Variants in CDH4 observed in about 807,000 individuals in gnomAD.
CDH4 encodes cadherin 4, also known as cadherin-4.
A neutral mutation model predicts 86.0 loss-of-function variants in CDH4; 33 were observed. The observed-to-expected ratio is 0.38, with a 90% CI of 0.29 to 0.51. The LOEUF is 0.51. Among genes scored for constraint, CDH4 ranks in the 20% least tolerant of loss-of-function variants. The probability of loss-of-function intolerance (pLI) is 0.86; values close to 1 mark genes in which losing one functional copy is unlikely to be tolerated. For missense variants in CDH4, 1,114 were observed against 1,307.4 expected (o/e 0.85, Z 2.28); for synonymous variants, 555 against 549.4 (o/e 1.01, Z -0.14).
intron 4 of CDH4, among the ~76,000 whole-genome samples, chr20:61,830,266 A>G (rs1021430887): frequency 1.3e-5 from 2 of 152,116 alleles, no homozygotes; most frequent in African/African-American, 4.8e-5. Context: ...GCACCTGCGC[A>G]GCACGGCACA....
chr20:61,682,421 AGGAT>A (rs1332030981), intron 2 of CDH4, among the ~76,000 whole-genome samples: 2 of 116,388 alleles, frequency 1.7e-5, no homozygotes, highest in East Asian at 3.1e-4. Flanking sequence ...GACAGATGGA[AGGAT>A]GGATGGATGG....
At chr20:61,786,179 T>A (rs1978868995) in intron 4 of CDH4, among the ~76,000 whole-genome samples, 1 of 152,132 alleles carries the variant, frequency 6.6e-6, no homozygotes, top group Admixed American at 6.6e-5. Flanking sequence ...CAGCGTCTCC[T>A]TCCGCAGCAA....
At chr20:61,551,578 G>C (rs1195900805) in intron 2 of CDH4, among the ~76,000 whole-genome samples, 1 of 152,164 alleles carries the variant, frequency 6.6e-6, no homozygotes. Context: ...CCTATGCAGG[G>C]AACCACGTGA....
intron 9 of CDH4, among the ~76,000 whole-genome samples, chr20:61,919,140 G>C (rs1375509422): frequency 6.6e-6 from 1 of 152,126 alleles, no homozygotes; most frequent in African/African-American, 2.4e-5. Flanking sequence ...CAAAGTGTTG[G>C]GATTACAGGC....
At chr20:61,836,616 T>G (rs954718759) in intron 4 of CDH4, among the ~76,000 whole-genome samples, 2 of 152,172 alleles carry the variant, frequency 1.3e-5, no homozygotes, top group Admixed American at 6.5e-5. Flanking sequence ...ATGCAAGAAA[T>G]ACAAACATCT....
chr20:61,256,722 T>C (rs2084100070), intron 2 of CDH4, among the ~76,000 whole-genome samples: 1 of 152,216 alleles, frequency 6.6e-6, no homozygotes, highest in Admixed American at 6.5e-5. Flanking sequence ...AGCCCAGGGC[T>C]GGTTCAGGGA....
chr20:61,812,938 C>A (rs1391418310), intron 4 of CDH4, among the ~76,000 whole-genome samples: 2 of 152,174 alleles, frequency 1.3e-5, no homozygotes, highest in Admixed American at 1.3e-4. Context: ...AACATGATGA[C>A]CAAATGGGGA....
chr20:61,933,234 C>T, intron 14 of CDH4, 110 bp downstream of exon 14: 1 of 1,395,440 alleles, frequency 7.2e-7, no homozygotes, highest in South Asian at 1.3e-5. Flanking sequence ...TCAACCTTTT[C>T]ACCAGTGAAG....
chr20:61,599,996 C>T (rs949889003), intron 2 of CDH4: 2 of 971,740 alleles, frequency 2.1e-6, no homozygotes, highest in Non-Finnish European at 2.4e-6. Flanking sequence ...ACAGGTACCC[C>T]GTGCTAATGA....
intron 2 of CDH4, among the ~76,000 whole-genome samples, chr20:61,618,230 T>A (rs1406859438): frequency 6.6e-6 from 1 of 152,014 alleles, no homozygotes; most frequent in Non-Finnish European, 1.5e-5. Flanking sequence ...CCGGAGCCAG[T>A]TTCCGCTGCC....
intron 4 of CDH4, among the ~76,000 whole-genome samples, chr20:61,828,263 C>T (rs977791901): frequency 6.6e-6 from 1 of 152,164 alleles, no homozygotes; most frequent in Admixed American, 6.5e-5. Flanking sequence ...AGACATTACC[C>T]GCATCTAACG....
intron 2 of CDH4, among the ~76,000 whole-genome samples, chr20:61,403,634 A>T (rs1178053996): frequency 6.6e-6 from 1 of 152,140 alleles, no homozygotes; most frequent in Non-Finnish European, 1.5e-5. Flanking sequence ...CCTGGACCTC[A>T]GGCATGCGGC....
intron 2 of CDH4, among the ~76,000 whole-genome samples, chr20:61,719,929 G>A (rs959043906): frequency 1.3e-5 from 2 of 152,204 alleles, no homozygotes; most frequent in Non-Finnish European, 2.9e-5. Flanking sequence ...CAGAAAAGGT[G>A]ATAAGACATT....
chr20:61,755,368 CCACACACA>C (rs35461836), intron 3 of CDH4, among the ~76,000 whole-genome samples: 26 of 144,772 alleles, frequency 1.8e-4, no homozygotes, highest in African/African-American at 5.2e-4. Context: ...GCCACACACA[CCACACACA>C]CACACACACA....
In CDH4 at chr20:61,757,781, G is replaced by A. The variant is rs940543765; in HGVS notation, c.396+13992G>A. Reference sequence around the variant, plus strand: ...ATGCCGGCAGGGAGGCTCTGGTCACGTGAGCCGTGGAGGGAGGAGCGAGTG... The same window carrying A: ...ATGCCGGCAGGGAGGCTCTGGTCACATGAGCCGTGGAGGGAGGAGCGAGTG... On this transcript the variant is annotated intron_variant, in intron 3 of 15. Transcript: ENST00000614565. Among the ~76,000 whole-genome samples the A allele has an allele frequency of 3.9e-5, 6 of 152,332 alleles. No individual in the cohort carries two copies. The East Asian group carries it at 7.7e-4, about 20-fold the overall frequency.
At chr20:61,738,382 C>T (rs533713059) in intron 2 of CDH4, 1 of 152,278 alleles carries the variant, frequency 6.6e-6, no homozygotes, top group African/African-American at 2.4e-5. Flanking sequence ...CCCTCCTCCC[C>T]AGGAGGATTT....
chr20:61,407,238 G>T (rs527551791), intron 2 of CDH4, among the ~76,000 whole-genome samples: 1 of 152,340 alleles, frequency 6.6e-6, no homozygotes, highest in East Asian at 1.9e-4. Context: ...GTTTCCCATT[G>T]GTTCCGTATG....
At chr20:61,388,702 G>A (rs556410137) in intron 2 of CDH4, among the ~76,000 whole-genome samples, 1 of 152,308 alleles carries the variant, frequency 6.6e-6, no homozygotes, top group East Asian at 1.9e-4. Context: ...GACAGCAGGG[G>A]GATGCTGGCT....
intron 2 of CDH4, among the ~76,000 whole-genome samples, chr20:61,396,971 CATA>C (rs971324834): frequency 4.2e-4 from 64 of 152,262 alleles, no homozygotes; most frequent in African/African-American, 1.4e-3. Flanking sequence ...AGTGCAGTGA[CATA>C]ATAACAGCTC....
Sources: gnomAD v4.1 joint callset for allele counts (sites outside exome capture counted in the v4.1 genomes callset) on GRCh38, gnomAD v4.1.1 for gene constraint, MANE v1.5 for transcripts, NCBI Gene and HGNC (gene_info 2026-07-23, HGNC 2026-07-21) for gene names.